Variants in ISM1 observed in about 807,000 individuals in gnomAD.
ISM1 encodes the protein isthmin 1, also known as isthmin-1.
Under a neutral mutation model 46.3 loss-of-function variants are expected in ISM1, and 25 were observed. The observed-to-expected ratio is 0.54, with a 90% CI of 0.39 to 0.75. The LOEUF is 0.75. Among genes scored for constraint, ISM1 ranks in the 30% least tolerant of loss-of-function variants. The pLI, the probability that ISM1 is intolerant of heterozygous loss-of-function variation, is 0.00. For missense variants in ISM1, 536 were observed against 625.4 expected, an observed-to-expected ratio of 0.86 and a Z score of 1.52; for synonymous variants, 255 against 256.7, an observed-to-expected ratio of 0.99 and a Z score of 0.06.
chr20:13,250,713 A>G (rs188994493), intron 1 of ISM1, among the ~76,000 whole-genome samples: 2 of 152,262 alleles, frequency 1.3e-5, no homozygotes, highest in Admixed American at 6.5e-5. Flanking sequence ...CTTGCTCCCT[A>G]TTGTATTTCC....
intron 5 of ISM1, among the ~76,000 whole-genome samples, chr20:13,294,263 A>T (rs977522072): frequency 2.0e-5 from 3 of 152,374 alleles, no homozygotes; most frequent in African/African-American, 7.2e-5. Flanking sequence ...AATTGGATGC[A>T]GTTTGGAAAT....
rs923824391 is a variant in ISM1, at chr20:13,221,764, G to A, written c.-13G>A. ...CCGCCGCGCCGGGTCCTAAAGCCGC[G>A]CGTCTCAAAAGGATGGTGCGCCTGG... is the stretch of plus-strand genomic sequence containing the variant. On this transcript the variant is annotated 5_prime_UTR_variant, in exon 1 of 6. Coordinates refer to ENST00000262487, the MANE Select transcript of ISM1 (RefSeq NM_080826.2). 4 of 1,429,934 alleles carry A rather than the reference G, an allele frequency of 2.8e-6. No individual in the cohort carries two copies. The highest frequency in any genetic ancestry group is 9.1e-7 in the Non-Finnish European group (1 of 1,095,976). The allele number at this position is 1,429,934 out of a possible 1,614,324, so 88.6% of individuals were successfully genotyped here.
intron 1 of ISM1, among the ~76,000 whole-genome samples, chr20:13,255,287 C>G (rs1392570785): frequency 6.6e-6 from 1 of 152,148 alleles, no homozygotes; most frequent in Non-Finnish European, 1.5e-5. Flanking sequence ...ATAAAATGCT[C>G]TTTTTGTTGT....
At chr20:13,296,492 C>G (rs1475690556) in intron 5 of ISM1, among the ~76,000 whole-genome samples, 1 of 152,216 alleles carries the variant, frequency 6.6e-6, no homozygotes, top group East Asian at 1.9e-4. Flanking sequence ...ACCATAAGAT[C>G]TGCAAGCATC....
chr20:13,255,731 G>T (rs751353812), intron 1 of ISM1, among the ~76,000 whole-genome samples: 3 of 152,106 alleles, frequency 2.0e-5, no homozygotes, highest in Non-Finnish European at 4.4e-5. Context: ...CTCAACTTCA[G>T]CCATTACTTG....
the ISM1 span, among the ~76,000 whole-genome samples, chr20:13,316,423 T>A: frequency 1.9e-4 from 29 of 152,074 alleles, no homozygotes; most frequent in African/African-American, 6.5e-4. Context: ...GTAGAGGGAA[T>A]TATTATTAAC....
intron 1 of ISM1, among the ~76,000 whole-genome samples, chr20:13,263,362 G>A (rs2040009025): frequency 6.7e-6 from 1 of 150,212 alleles, no homozygotes; most frequent in Non-Finnish European, 1.5e-5. Context: ...TCCACTCCTA[G>A]GATCGTGGTC....
intron 1 of ISM1, among the ~76,000 whole-genome samples, chr20:13,224,713 T>C (rs925829377): frequency 6.6e-6 from 1 of 152,178 alleles, no homozygotes; most frequent in African/African-American, 2.4e-5. Context: ...CACATTCTTA[T>C]TTAAGGATAT....
intron 1 of ISM1, chr20:13,245,447 G>A (rs562613493): frequency 7.2e-5 from 11 of 152,308 alleles, no homozygotes; most frequent in African/African-American, 2.6e-4. Context: ...CATCATGTTT[G>A]CCATACCCTA....
chr20:13,235,718 C>A (rs546065102), intron 1 of ISM1, among the ~76,000 whole-genome samples: 11 of 152,324 alleles, frequency 7.2e-5, no homozygotes, highest in African/African-American at 2.4e-4. Flanking sequence ...TGTCCTTTCA[C>A]TGCTTACAAA....
chr20:13,275,996 G>A (rs2040175024), intron 2 of ISM1, among the ~76,000 whole-genome samples: 1 of 152,206 alleles, frequency 6.6e-6, no homozygotes, highest in African/African-American at 2.4e-5. Flanking sequence ...GTTAGCTGGG[G>A]TTGCCACCCT....
intron 1 of ISM1, among the ~76,000 whole-genome samples, chr20:13,268,575 G>A (rs972167832): frequency 1.3e-5 from 2 of 152,184 alleles, no homozygotes; most frequent in African/African-American, 4.8e-5. Context: ...CTGAGCTGTG[G>A]AAAGGCGAGC....
the ISM1 span, among the ~76,000 whole-genome samples, chr20:13,324,859 G>T: frequency 6.6e-6 from 1 of 152,146 alleles, no homozygotes; most frequent in African/African-American, 2.4e-5. Flanking sequence ...TTATTTTCTG[G>T]ATGAGAAAAT....
chr20:13,228,058 C>T (rs1051302094), intron 1 of ISM1, among the ~76,000 whole-genome samples: 2 of 149,334 alleles, frequency 1.3e-5, no homozygotes, highest in Non-Finnish European at 3.0e-5. Context: ...CTGCAACCTC[C>T]CTCTCCCGGG....
intron 5 of ISM1, among the ~76,000 whole-genome samples, chr20:13,294,083 C>A (rs531888800): frequency 6.6e-6 from 1 of 152,108 alleles, no homozygotes; most frequent in African/African-American, 2.4e-5. Context: ...TCCAAAGGGT[C>A]GGCCATGATG....
intron 1 of ISM1, among the ~76,000 whole-genome samples, chr20:13,268,963 G>T (rs117718009): frequency 6.6e-6 from 1 of 152,070 alleles, no homozygotes; most frequent in Non-Finnish European, 1.5e-5. Flanking sequence ...CTTCCCTAAG[G>T]TTAGCTCTCC....
At chr20:13,298,704 T>G (rs1007497277) in intron 5 of ISM1, among the ~76,000 whole-genome samples, 1 of 152,180 alleles carries the variant, frequency 6.6e-6, no homozygotes, top group African/African-American at 2.4e-5. Context: ...GAGGAAGTCT[T>G]GTGAATAATG....
At chr20:13,222,740 A>C (rs761004808) in intron 1 of ISM1, among the ~76,000 whole-genome samples, 29 of 152,248 alleles carry the variant, frequency 1.9e-4, no homozygotes, top group Non-Finnish European at 3.7e-4. Flanking sequence ...AGAATTGCCC[A>C]GCTAGGCATT....
At chr20:13,311,133 G>T in the ISM1 span, among the ~76,000 whole-genome samples, 1 of 152,168 alleles carries the variant, frequency 6.6e-6, no homozygotes, top group Non-Finnish European at 1.5e-5. Flanking sequence ...AGCGGAGGTT[G>T]CAGTGAGCTG....
Sources: gnomAD v4.1 joint callset for allele counts (sites outside exome capture counted in the v4.1 genomes callset) on GRCh38, gnomAD v4.1.1 for gene constraint, MANE v1.5 for transcripts, NCBI Gene and HGNC (gene_info 2026-07-23, HGNC 2026-07-21) for gene names.